MYO16: variants seen among roughly 807,000 people sequenced by gnomAD.
MYO16 encodes the protein myosin XVI, also known as unconventional myosin-XVI.
Under a neutral mutation model 205.3 loss-of-function variants are expected in MYO16, and 94 were observed. The ratio of observed to expected loss-of-function variants is 0.46; its 90% CI spans 0.39 to 0.54. The LOEUF (loss-of-function observed/expected upper bound fraction) is 0.54. MYO16 is among the 20% of genes least tolerant of loss of function. The pLI, the probability that MYO16 is intolerant of heterozygous loss-of-function variation, is 0.00. For synonymous variants in MYO16, 988 were observed against 954.0 expected (o/e 1.04, Z -0.66); for missense variants, 2,315 against 2,387.5 (o/e 0.97, Z 0.63).
chr13:108,720,635 G>A (rs978174789), intron 3 of MYO16, among the ~76,000 whole-genome samples: 4 of 152,080 alleles, frequency 2.6e-5, no homozygotes, highest in East Asian at 1.9e-4. Flanking sequence ...TGACATTCAC[G>A]AAGACAACCC....
chr13:108,946,085 C>T (rs1382529188), intron 16 of MYO16, among the ~76,000 whole-genome samples: 3 of 152,098 alleles, frequency 2.0e-5, no homozygotes, highest in African/African-American at 7.2e-5. Context: ...GGCAATCAGA[C>T]TAAGTAAGTG....
chr13:108,644,644 A>G (rs1880671815), intron 1 of MYO16, among the ~76,000 whole-genome samples: 1 of 152,210 alleles, frequency 6.6e-6, no homozygotes, highest in Non-Finnish European at 1.5e-5. Flanking sequence ...CATAGCATTT[A>G]ACATCTTTTT....
chr13:108,699,076 G>GTCTCTCTCTCTGTC (rs1883196397), intron 2 of MYO16, among the ~76,000 whole-genome samples: 1 of 147,812 alleles, frequency 6.8e-6, no homozygotes, highest in Non-Finnish European at 1.5e-5. Flanking sequence ...GTCTCTCTCT[G>GTCTCTCTCTCTGTC]TCTCTCTCTC....
chr13:108,600,576 C>T (rs543580095), intron 1 of MYO16, among the ~76,000 whole-genome samples: 24 of 152,132 alleles, frequency 1.6e-4, no homozygotes, highest in African/African-American at 5.8e-4. Context: ...AAAAATAGTT[C>T]CCTAGGAGAG....
chr13:109,022,729 G>GTA (rs1346857611), intron 23 of MYO16, among the ~76,000 whole-genome samples: 1 of 46,080 alleles, frequency 2.2e-5, no homozygotes, highest in African/African-American at 6.0e-5. Context: ...ATAAACATAT[G>GTA]TATATATTAT....
At chr13:109,205,771 C>T (rs1469289693) in intron 34 of MYO16, among the ~76,000 whole-genome samples, 1 of 152,100 alleles carries the variant, frequency 6.6e-6, no homozygotes, top group Non-Finnish European at 1.5e-5. Context: ...TCTTCAGGGG[C>T]CATAGTGACA....
intron 3 of MYO16, among the ~76,000 whole-genome samples, chr13:108,726,261 T>C (rs1255521227): frequency 6.6e-6 from 1 of 152,106 alleles, no homozygotes; most frequent in Non-Finnish European, 1.5e-5. Context: ...TAGATGTAAA[T>C]ATGAAAGATA....
At chr13:109,071,740 A>G (rs1887932749) in intron 27 of MYO16, among the ~76,000 whole-genome samples, 1 of 152,176 alleles carries the variant, frequency 6.6e-6, no homozygotes, top group Non-Finnish European at 1.5e-5. Flanking sequence ...TGACCTACAC[A>G]TTATTTAAAG....
chr13:108,527,360 A>T, the MYO16 span, among the ~76,000 whole-genome samples: 1 of 152,128 alleles, frequency 6.6e-6, no homozygotes, highest in Non-Finnish European at 1.5e-5. Flanking sequence ...AATATTGCCA[A>T]AATTTTTCTT....
intron 12 of MYO16, among the ~76,000 whole-genome samples, chr13:108,882,797 C>T (rs1251132950): frequency 1.3e-5 from 2 of 152,174 alleles, no homozygotes; most frequent in Admixed American, 1.3e-4. Context: ...TTGTGAGTTG[C>T]TCTTCTTAAA....
chr13:108,687,955 A>G (rs7989297), intron 2 of MYO16, among the ~76,000 whole-genome samples: 59,832 of 151,982 alleles, frequency 0.39, 11,895 homozygotes, highest in South Asian at 0.49. Flanking sequence ...ACCATATTAC[A>G]TGAGGAAGAG....
intron 16 of MYO16, among the ~76,000 whole-genome samples, chr13:108,929,506 G>A (rs1289530157): frequency 6.6e-6 from 1 of 152,206 alleles, no homozygotes; most frequent in East Asian, 1.9e-4. Context: ...GAAGAACAGT[G>A]CACAATATTT....
At chr13:108,661,848 T>A (rs1169572560) in intron 1 of MYO16, among the ~76,000 whole-genome samples, 2 of 152,136 alleles carry the variant, frequency 1.3e-5, no homozygotes, top group Non-Finnish European at 2.9e-5. Context: ...TTTTTTGGGA[T>A]GTTGAAGAGC....
intron 5 of MYO16, among the ~76,000 whole-genome samples, chr13:108,789,588 G>C (rs1325405158): frequency 6.6e-6 from 1 of 152,260 alleles, no homozygotes; most frequent in South Asian, 2.1e-4. Flanking sequence ...CTGCTGTTAG[G>C]GTTGGGAGAA....
intron 6 of MYO16, among the ~76,000 whole-genome samples, chr13:108,796,580 T>C (rs929430829): frequency 6.6e-5 from 10 of 152,132 alleles, no homozygotes; most frequent in Admixed American, 5.9e-4. Context: ...TGGAATACTA[T>C]GCATCCATAA....
intron 23 of MYO16, among the ~76,000 whole-genome samples, chr13:109,023,784 A>G (rs1886252787): frequency 7.7e-6 from 1 of 130,262 alleles, no homozygotes; most frequent in Non-Finnish European, 1.6e-5. Flanking sequence ...TACATATTAT[A>G]TGCATATTCT....
chr13:108,605,217 G>A (rs550102728), intron 1 of MYO16, among the ~76,000 whole-genome samples: 1 of 152,256 alleles, frequency 6.6e-6, no homozygotes, highest in South Asian at 2.1e-4. Flanking sequence ...ATATTTGAAA[G>A]CTAAATATAG....
In MYO16 at chr13:108,888,497, T is replaced by A; in HGVS notation, c.1659+20T>A. 1 of 1,540,732 alleles carries A rather than the reference T, an allele frequency of 6.5e-7. No individual in the cohort carries two copies. The highest frequency in any genetic ancestry group is 8.9e-7 in the Non-Finnish European group (1 of 1,125,526). On this transcript the variant is annotated intron_variant, in intron 14 of 34. Coordinates refer to ENST00000457511, the MANE Select transcript of MYO16 (RefSeq NM_001198950.3). ...AAACATGTAAGTTTTTTGTTTGGGT[T>A]GGCAAATATGTGAATGAAGATGTTC...
chr13:108,698,968 AC>A (rs1483296216), intron 2 of MYO16, among the ~76,000 whole-genome samples: 1 of 152,074 alleles, frequency 6.6e-6, no homozygotes, highest in African/African-American at 2.4e-5. Flanking sequence ...CACAAACAGC[AC>A]TGTGATACAG....
Sources: allele counts gnomAD v4.1 joint callset (sites outside exome capture counted in the v4.1 genomes callset), GRCh38; gene constraint gnomAD v4.1.1; transcripts MANE v1.5; gene names NCBI Gene and HGNC (gene_info 2026-07-23, HGNC 2026-07-21).